Variants in SDK2 observed in about 807,000 individuals in gnomAD.
SDK2 encodes sidekick cell adhesion molecule 2.
Under a neutral mutation model 253.9 loss-of-function variants are expected in SDK2, and 105 were observed. The observed-to-expected ratio is 0.41, with a 90% CI of 0.35 to 0.49. SDK2 has a LOEUF of 0.49. Ranked by LOEUF, SDK2 falls within the 20% of genes least tolerant of loss-of-function variation. SDK2 has a pLI of 0.06. For missense variants in SDK2, 2,608 were observed against 3,003.0 expected (o/e 0.87, Z 3.07); for synonymous variants, 1,249 against 1,234.9 (o/e 1.01, Z -0.24).
intron 38 of SDK2, among the ~76,000 whole-genome samples, chr17:73,364,653 GCT>G (rs1344140430): frequency 1.3e-5 from 2 of 152,086 alleles, no homozygotes; most frequent in Non-Finnish European, 2.9e-5. Context: ...ATGGAATCTA[GCT>G]CTGTCGCCCA....
intron 1 of SDK2, among the ~76,000 whole-genome samples, chr17:73,633,193 G>A (rs2046290519): frequency 6.6e-6 from 1 of 152,166 alleles, no homozygotes; most frequent in South Asian, 2.1e-4. Context: ...GCTGATGTGG[G>A]AGGATCGCTT....
Position 73,447,277 on chromosome 17 carries a change from T to C in SDK2, c.613+338A>G, listed in dbSNP as rs1024929990. The stretch of plus-strand genomic sequence containing the variant: ...CTCCTGGTCAGCATCTGAGCCCCGA[T>C]AGTGGCTGCAACTCACACATGCACA... On this transcript the variant is annotated intron_variant, in intron 5 of 44. Transcript: ENST00000392650. This position sits in a 1 kb window ranked among gnomAD's most constrained non-coding sequence, Gnocchi z 4.0. Among the ~76,000 whole-genome samples the C allele has an allele frequency of 1.3e-5, 2 of 151,960 alleles. No individual in the cohort carries two copies. Among genetic ancestry groups the C allele is most frequent in the African/African-American group, 4.8e-5 (2 of 41,370 alleles).
chr17:73,531,275 C>T (rs1428490263), intron 1 of SDK2, among the ~76,000 whole-genome samples: 1 of 152,180 alleles, frequency 6.6e-6, no homozygotes, highest in African/African-American at 2.4e-5. Context: ...CACAGCTGAG[C>T]TCTGGTCTCT....
At chr17:73,413,980 G>C (rs182432346) in intron 18 of SDK2, among the ~76,000 whole-genome samples, 228 of 152,100 alleles carry the variant, frequency 1.5e-3, no homozygotes, top group African/African-American at 5.4e-3. Context: ...GGTAAGAAGT[G>C]AATGGTGGAT....
intron 1 of SDK2, among the ~76,000 whole-genome samples, chr17:73,617,574 G>C (rs1407343987): frequency 6.6e-6 from 1 of 150,738 alleles, no homozygotes; most frequent in Non-Finnish European, 1.5e-5. Flanking sequence ...ATACCTAGTC[G>C]ACAGGCTCCA....
chr17:73,482,794 C>T (rs953918832), intron 2 of SDK2, among the ~76,000 whole-genome samples: 2 of 152,234 alleles, frequency 1.3e-5, no homozygotes, highest in African/African-American at 4.8e-5. Context: ...GAGCCCAAGA[C>T]GGCTACTCCT....
Position 73,341,427 on chromosome 17 carries a change from C to T in SDK2, c.6166-2487G>A, listed in dbSNP as rs182875521. Among the ~76,000 whole-genome samples, 478 of 152,060 alleles carry T rather than the reference C, an allele frequency of 3.1e-3. 5 individuals carry two copies. Among genetic ancestry groups the T allele is most frequent in the African/African-American group, 0.011 (458 of 41,476 alleles). ...AGAGCTAATAAGACAACAGATGGGC[C>T]CCCCCTCAGAACTCTCTGGAAGAGA... On this transcript the variant is annotated intron_variant, in intron 44 of 44. Transcript: ENST00000392650.
intron 3 of SDK2, among the ~76,000 whole-genome samples, chr17:73,460,382 C>G (rs1304013968): frequency 6.6e-6 from 1 of 152,184 alleles, no homozygotes; most frequent in Non-Finnish European, 1.5e-5. Context: ...TCAGTCATCC[C>G]AGGATAGAGT....
At chr17:73,553,880 T>C (rs190954890) in intron 1 of SDK2, among the ~76,000 whole-genome samples, 1 of 152,162 alleles carries the variant, frequency 6.6e-6, no homozygotes, top group African/African-American at 2.4e-5. Flanking sequence ...TAGGTATAAA[T>C]CTGGCCTGCA....
chr17:73,558,924 G>A (rs556943116), intron 1 of SDK2, among the ~76,000 whole-genome samples: 10 of 152,160 alleles, frequency 6.6e-5, no homozygotes, highest in Non-Finnish European at 1.3e-4. Context: ...GAGAGAAAAC[G>A]CCTGCCTCCC....
At chr17:73,500,742 CTCCTCCA>C (rs1180563463) in intron 2 of SDK2, among the ~76,000 whole-genome samples, 1 of 149,998 alleles carries the variant, frequency 6.7e-6, no homozygotes, top group African/African-American at 2.5e-5. Context: ...TCCCTCCATT[CTCCTCCA>C]TCCTCCATCC....
intron 1 of SDK2, among the ~76,000 whole-genome samples, chr17:73,601,884 C>T (rs2045846666): frequency 1.3e-5 from 2 of 152,266 alleles, no homozygotes; most frequent in East Asian, 1.9e-4. Context: ...GCTGGGATTA[C>T]AGGCACCCAG....
chr17:73,377,600 T>G (rs1289693084), intron 36 of SDK2, among the ~76,000 whole-genome samples: 1 of 151,402 alleles, frequency 6.6e-6, no homozygotes, highest in African/African-American at 2.4e-5. Flanking sequence ...GGGTGAGAGC[T>G]GCCAGACTTG....
At chr17:73,621,373 T>C (rs759270503) in intron 1 of SDK2, among the ~76,000 whole-genome samples, 14 of 152,192 alleles carry the variant, frequency 9.2e-5, no homozygotes, top group Non-Finnish European at 1.8e-4. Context: ...CTCTGACTTA[T>C]TGCAATGCCC....
chr17:73,610,995 T>G (rs1302165989), intron 1 of SDK2, among the ~76,000 whole-genome samples: 1 of 152,212 alleles, frequency 6.6e-6, no homozygotes, highest in African/African-American at 2.4e-5. Flanking sequence ...TTCTGAAGGA[T>G]GTGAAGTCAG....
At position 73,422,427 on chromosome 17, in the gene SDK2, G is replaced by C. The variant is rs752005360; in HGVS notation, c.1905C>G (p.Pro635=). The C allele has an allele frequency of 1.2e-6, 2 of 1,613,892 alleles. No individual in the cohort carries two copies. Among genetic ancestry groups the C allele is most frequent in the South Asian group, 2.2e-5 (2 of 91,074 alleles). The part of the protein sequence containing the change: ...YILEMSENNA[P]WTVLLASVDP... Reference sequence around the variant, plus strand: ...CCACACTGGCCAGGAGTACAGTCCAGGGGGCATCTGCAGGGACAGTGAGTG... The same window carrying C: ...CCACACTGGCCAGGAGTACAGTCCACGGGGCATCTGCAGGGACAGTGAGTG... The change falls in exon 15 of 45, where the codon CCC becomes CCG. Residue 635 remains proline, a synonymous_variant. Transcript: ENST00000392650.
intron 1 of SDK2, among the ~76,000 whole-genome samples, chr17:73,600,073 A>G (rs897923343): frequency 1.3e-5 from 2 of 152,232 alleles, no homozygotes; most frequent in Non-Finnish European, 2.9e-5. Context: ...CCACAAGCAC[A>G]TGGAGATCCC....
intron 1 of SDK2, among the ~76,000 whole-genome samples, chr17:73,613,781 C>T (rs982713009): frequency 6.6e-6 from 1 of 151,884 alleles, no homozygotes; most frequent in Admixed American, 6.6e-5. Context: ...AAGCCCCCTG[C>T]GATGAGGAGG....
At position 73,541,705 on chromosome 17, in the gene SDK2, C is replaced by T. The variant is rs2044871638; in HGVS notation, c.65-34108G>A. Among the ~76,000 whole-genome samples the T allele has an allele frequency of 6.6e-6, 1 of 152,196 alleles. No homozygotes were observed. The highest frequency in any genetic ancestry group is 1.5e-5 in the Non-Finnish European group (1 of 68,032). The stretch of plus-strand genomic sequence containing the variant: ...AAATGAGTTTGCCCAGAATGCACAG[C>T]GGCAGAAGGAAGGGGGCGCGGGGCG... On this transcript the variant is annotated intron_variant, in intron 1 of 44. Transcript: ENST00000392650. The surrounding 1 kb of genome is among the most constrained non-coding windows in gnomAD (Gnocchi z 4.3).
Sources: gnomAD v4.1 joint callset for allele counts (sites outside exome capture counted in the v4.1 genomes callset) on GRCh38, gnomAD v4.1.1 for gene constraint, Gnocchi (gnomAD v3.1) non-coding constraint, MANE v1.5 for transcripts, NCBI Gene and HGNC (gene_info 2026-07-23, HGNC 2026-07-21) for gene names.